The following ADAM12 variants were observed in gnomAD, a reference collection of about 807,000 sequenced individuals.
ADAM12 encodes disintegrin and metalloproteinase domain-containing protein 12.
Under a neutral mutation model 106.4 loss-of-function variants are expected in ADAM12, and 70 were observed. The ratio of observed to expected loss-of-function variants is 0.66; its 90% CI spans 0.54 to 0.80. The LOEUF (loss-of-function observed/expected upper bound fraction) is 0.80, where lower values mean the gene tolerates loss of function less well. ADAM12 is among the 30% of genes least tolerant of loss of function. The probability of loss-of-function intolerance (pLI) is 0.00; values close to 1 mark genes in which losing one functional copy is unlikely to be tolerated. For missense variants in ADAM12, 1,010 were observed against 1,171.9 expected, an observed-to-expected ratio of 0.86 and a Z score of 2.02; for synonymous variants, 420 against 433.5, an observed-to-expected ratio of 0.97 and a Z score of 0.39.
rs1286573180 is a variant in ADAM12, at chr10:126,278,997, TAAAC to T, written c.187-13_187-10del. On this transcript the variant is annotated splice_polypyrimidine_tract_variant and intron_variant, in intron 2 of 22. Coordinates refer to ENST00000448723, the MANE Select transcript of ADAM12 (RefSeq NM_001288973.2). ...AGCACTTCTGGATGATTCTGAAAGATAAACAACAAAAGTCAGTTGAAAAACGCTT... is the reference window on the plus strand; with the variant it reads ...AGCACTTCTGGATGATTCTGAAAGATAACAAAAGTCAGTTGAAAAACGCTT... 4 of 1,610,372 alleles carry T rather than the reference TAAAC, an allele frequency of 2.5e-6. No homozygotes were observed. The South Asian group carries it at 4.4e-5, about 18-fold the overall frequency.
In ADAM12 at chr10:126,038,288, G is replaced by C. The variant is rs371248054; in HGVS notation, c.2302C>G (p.Leu768Val). ...FQPCQAHLGH[L>V]GKGLMRKPPD... ...GGCTTCCTCATCAGGCCTTTTCCAA[G>C]GTGGCCGAGGTGAGCCTGACAGGGT... Residue 768 changes from leucine (L) to valine (V), a missense_variant, in exon 20 of 23, where the codon CTT becomes GTT. Leu to Val is a conservative substitution (Grantham distance 32, BLOSUM62 1). Coordinates refer to ENST00000448723, the MANE Select transcript of ADAM12 (RefSeq NM_001288973.2). 1.2e-6 allele frequency: 2 copies of C among 1,612,160 alleles called. No homozygotes were observed. Among genetic ancestry groups the C allele is most frequent in the African/African-American group, 2.7e-5 (2 of 74,896 alleles).
chr10:126,305,890 T>C (rs1163234633), intron 2 of ADAM12, among the ~76,000 whole-genome samples: 1 of 151,994 alleles, frequency 6.6e-6, no homozygotes, highest in Non-Finnish European at 1.5e-5. Flanking sequence ...GTCAGCTTCA[T>C]TTTGATGTGT....
intron 3 of ADAM12, among the ~76,000 whole-genome samples, chr10:126,166,943 C>A (rs983879033): frequency 1.3e-5 from 2 of 152,204 alleles, no homozygotes; most frequent in Non-Finnish European, 2.9e-5. Context: ...CCCACGCCCA[C>A]TTCTCTCAGA....
In ADAM12 at chr10:126,109,958, C is replaced by A. The variant is rs2306155; in HGVS notation, c.604-118G>T. The A allele has an allele frequency of 1.4e-5, 12 of 854,098 alleles. No homozygotes were observed. The South Asian group carries it at 2.7e-4, about 19-fold the overall frequency. 52.9% of individuals were successfully genotyped at this position (854,098 alleles called of 1,614,324 possible). On this transcript the variant is annotated intron_variant, in intron 6 of 22. Coordinates refer to ENST00000448723, the MANE Select transcript of ADAM12 (RefSeq NM_001288973.2). ...ATGTATATCCCCCATCCCCGCCAGG[C>A]CCCCACACCTCCATTCCATCTAGAA...
At chr10:126,363,372 C>T (rs1438882496) in intron 1 of ADAM12, among the ~76,000 whole-genome samples, 2 of 151,986 alleles carry the variant, frequency 1.3e-5, no homozygotes, top group Non-Finnish European at 2.9e-5. Context: ...TTTTTACTGT[C>T]CCAAAAAACA....
At chr10:126,033,951 G>T (rs2133394392) in intron 21 of ADAM12, among the ~76,000 whole-genome samples, 1 of 152,300 alleles carries the variant, frequency 6.6e-6, no homozygotes. Context: ...TTTAAAAAAT[G>T]GCTAAAGAAA....
intron 11 of ADAM12, among the ~76,000 whole-genome samples, chr10:126,086,708 A>ATATAT (rs1955364125): frequency 1.4e-5 from 1 of 73,606 alleles, no homozygotes; most frequent in African/African-American, 5.0e-5. Flanking sequence ...TATATATATA[A>ATATAT]AATAAAATAG....
At chr10:126,350,082 C>T (rs1855296309) in intron 1 of ADAM12, among the ~76,000 whole-genome samples, 1 of 152,128 alleles carries the variant, frequency 6.6e-6, no homozygotes, top group African/African-American at 2.4e-5. Context: ...TTGTCACTGG[C>T]CGGCCAATGA....
intron 3 of ADAM12, among the ~76,000 whole-genome samples, chr10:126,204,328 G>A (rs1470136946): frequency 2.0e-5 from 3 of 152,206 alleles, no homozygotes; most frequent in Admixed American, 6.5e-5. Flanking sequence ...TGGAACTGGA[G>A]CTTTCCATCA....
intron 1 of ADAM12, among the ~76,000 whole-genome samples, chr10:126,362,525 A>G (rs1191993616): frequency 6.6e-6 from 1 of 152,214 alleles, no homozygotes; most frequent in East Asian, 1.9e-4. Flanking sequence ...AATATTCACG[A>G]TAGTCAAGTT....
chr10:126,128,949 G>A (rs1956257138), intron 5 of ADAM12, among the ~76,000 whole-genome samples: 1 of 152,116 alleles, frequency 6.6e-6, no homozygotes, highest in Non-Finnish European at 1.5e-5. Context: ...GTGGGAATGT[G>A]TGCAAGTGGG....
intron 16 of ADAM12, among the ~76,000 whole-genome samples, chr10:126,047,330 A>G (rs1954354127): frequency 6.6e-6 from 1 of 152,194 alleles, no homozygotes; most frequent in South Asian, 2.1e-4. Context: ...CCCAAGCAGC[A>G]CTGAGGGATT....
rs778984051 is a variant in ADAM12 at position 126,036,159 on chromosome 10, A to C, written c.2516T>G (p.Leu839Arg). ...CTGAAAGCATACCTGGGCCTGCCTA[A>C]GTGCAGGCTTGGCTGGCAGGGGTCT... ...PARPLPAKPA[L>R]RQAQGTCKPN... The change falls in exon 21 of 23, where the codon CTT becomes CGT. Residue 839 changes from leucine (L) to arginine (R), a missense_variant. Physicochemically the swap from Leu to Arg is moderately radical, Grantham distance 102. This residue lies in a region of ADAM12 where 615 missense variants were observed against 708.5 expected (regional missense o/e 0.87). Coordinates refer to ENST00000448723, the MANE Select transcript of ADAM12 (RefSeq NM_001288973.2). 21 of 1,473,928 alleles carry C rather than the reference A, an allele frequency of 1.4e-5. No individual in the cohort carries two copies. Among genetic ancestry groups the C allele is most frequent in the Non-Finnish European group, 1.9e-5 (21 of 1,115,854 alleles). 91.3% of individuals were successfully genotyped at this position (1,473,928 alleles called of 1,614,324 possible).
chr10:126,364,303 T>C (rs1036578213), intron 1 of ADAM12, among the ~76,000 whole-genome samples: 1 of 152,106 alleles, frequency 6.6e-6, no homozygotes. Flanking sequence ...TACACATTTT[T>C]ATAGCAATTC....
At position 126,044,370 on chromosome 10, in the gene ADAM12, A is replaced by G. The variant is rs567035441; in HGVS notation, c.1996-1222T>C. 3.3e-5 allele frequency among the ~76,000 whole-genome samples: 5 copies of G among 152,352 alleles called. No homozygotes were observed. In the South Asian group the frequency reaches 1.0e-3, roughly 32 times the overall value. On this transcript the variant is annotated intron_variant, in intron 17 of 22. Transcript: ENST00000448723. ...TCACTAAAAGAATTTCTGAAAAATT[A>G]GGAATGAGTGGGACTACTGCACAAT...
At chr10:126,221,289 C>A (rs886461895) in intron 3 of ADAM12, among the ~76,000 whole-genome samples, 5 of 150,716 alleles carry the variant, frequency 3.3e-5, no homozygotes, top group African/African-American at 9.8e-5. Context: ...CAGTCTGAGG[C>A]AGCAGAATCA....
At chr10:126,076,174 G>A (rs905133218) in intron 11 of ADAM12, among the ~76,000 whole-genome samples, 1 of 152,192 alleles carries the variant, frequency 6.6e-6, no homozygotes, top group Non-Finnish European at 1.5e-5. Context: ...GTGAGAACAC[G>A]TGGTATTTGA....
intron 3 of ADAM12, among the ~76,000 whole-genome samples, chr10:126,190,988 TC>T (rs144744017): frequency 0.039 from 2,951 of 76,502 alleles, 410 homozygotes; most frequent in African/African-American, 0.18. Context: ...AGGAGTTTTG[TC>T]CTTTTTTTTT....
At chr10:126,192,434 C>T (rs929121288) in intron 3 of ADAM12, among the ~76,000 whole-genome samples, 10 of 152,144 alleles carry the variant, frequency 6.6e-5, no homozygotes, top group Non-Finnish European at 1.3e-4. Flanking sequence ...GCTTTACCTT[C>T]CAAAGGCTTA....
Sources: gnomAD v4.1 joint callset for allele counts (sites outside exome capture counted in the v4.1 genomes callset) on GRCh38, gnomAD v4.1.1 for gene constraint, gnomAD v4.1.1 regional missense constraint, MANE v1.5 for transcripts, NCBI Gene and HGNC (gene_info 2026-07-23, HGNC 2026-07-21) for gene names.